The following TECPR2 variants were observed in gnomAD, a reference collection of about 807,000 sequenced individuals.
The protein encoded by TECPR2 is tectonin beta-propeller repeat-containing protein 2.
In TECPR2, 65 loss-of-function variants were observed where a neutral mutation model predicts 138.1. The observed-to-expected ratio is 0.47, with a 90% CI of 0.39 to 0.58. The LOEUF is 0.58. Ranked by LOEUF, TECPR2 falls within the 20% of genes least tolerant of loss-of-function variation. TECPR2 has a pLI of 0.00. For missense variants in TECPR2, 1,553 were observed against 1,824.5 expected, an observed-to-expected ratio of 0.85 and a Z score of 2.71; for synonymous variants, 746 against 749.8, an observed-to-expected ratio of 0.99 and a Z score of 0.08.
At chr14:102,431,340 ATTTTTTTTTT>A (rs35092221) in intron 7 of TECPR2, among the ~76,000 whole-genome samples, 1 of 111,738 alleles carries the variant, frequency 8.9e-6, no homozygotes, top group African/African-American at 3.5e-5. Flanking sequence ...GTTTTGGTGG[ATTTTTTTTTT>A]TTTTTTTTTT....
intron 17 of TECPR2, among the ~76,000 whole-genome samples, chr14:102,488,422 C>T (rs1392569540): frequency 2.6e-5 from 4 of 151,892 alleles, no homozygotes; most frequent in East Asian, 1.9e-4. Flanking sequence ...TCACCGCAAC[C>T]TCTGCCTCCT....
At chr14:102,400,515 T>C (rs555335550) in intron 2 of TECPR2, among the ~76,000 whole-genome samples, 1 of 152,342 alleles carries the variant, frequency 6.6e-6, no homozygotes, top group African/African-American at 2.4e-5. Flanking sequence ...AGTGGAGCTT[T>C]TCTGTGTTAC....
chr14:102,396,762 G>A (rs72698595), intron 2 of TECPR2, among the ~76,000 whole-genome samples: 40,381 of 152,138 alleles, frequency 0.27, 6,148 homozygotes, highest in East Asian at 0.47. Context: ...TGTGGAAGGC[G>A]GCTACGCGGG....
intron 7 of TECPR2, among the ~76,000 whole-genome samples, 185 bp from the exon 8 acceptor site, chr14:102,431,611 G>T (rs1325930091): frequency 6.6e-6 from 1 of 152,108 alleles, no homozygotes; most frequent in African/African-American, 2.4e-5. Context: ...CAAAGTGCTG[G>T]GATTACAGGC....
chr14:102,445,947 A>G lies in TECPR2; in HGVS notation c.3075A>G (p.Gln1025=). 8 of 1,613,734 alleles carry G rather than the reference A, an allele frequency of 5.0e-6. No homozygotes were observed. Among genetic ancestry groups the G allele is most frequent in the Non-Finnish European group, 6.8e-6 (8 of 1,179,838 alleles). Residue 1025 remains glutamine (Q), a splice_region_variant and synonymous_variant, in exon 13 of 20, where the codon CAA becomes CAG. Transcript: ENST00000359520. The stretch of plus-strand genomic sequence containing the variant: ...AAGGAGATGACGACCATTGGTGGCA[A>G]GTAGGTGTTCAGCTCTGCGCCACGT... ...KPQGDDDHWW[Q]VSITDYVVFD...
rs1357421383 is a variant in TECPR2 at position 102,465,280 on chromosome 14, A to T, written c.3780A>T (p.Pro1260=). ...TTCCAGCCTGGATAATGATTGAGCC[A>T]CCTGTCCAGGTAAGCAGAAGTTAGC... ...LMLPAWIMIE[P]PVQPAGVSLV... is the part of the protein sequence containing the mutation. Residue 1260 remains proline, a synonymous_variant, in exon 17 of 20, where the codon CCA becomes CCT. Coordinates refer to ENST00000359520, the MANE Select transcript of TECPR2 (RefSeq NM_014844.5). The T allele has an allele frequency of 3.1e-6, 5 of 1,613,942 alleles. No homozygotes were observed. The South Asian group carries it at 5.5e-5, about 18-fold the overall frequency.
intron 9 of TECPR2, among the ~76,000 whole-genome samples, chr14:102,435,520 G>A (rs1326891780): frequency 1.3e-5 from 2 of 152,216 alleles, no homozygotes; most frequent in African/African-American, 4.8e-5. Flanking sequence ...CCATCGTAGG[G>A]CAGGGCTGAA....
At chr14:102,475,602 G>T (rs751817556) in intron 17 of TECPR2, among the ~76,000 whole-genome samples, 1 of 152,120 alleles carries the variant, frequency 6.6e-6, no homozygotes, top group Non-Finnish European at 1.5e-5. Flanking sequence ...GCAAGACTCC[G>T]AAGAATCAAA....
In TECPR2 at chr14:102,417,032, T is replaced by A. The variant is rs149569634; in HGVS notation, c.638+2239T>A. Among the ~76,000 whole-genome samples the A allele has an allele frequency of 4.6e-5, 7 of 152,190 alleles. No individual in the cohort carries two copies. In the East Asian group the frequency reaches 1.4e-3, roughly 29 times the overall value. ...AAAAAACAAACCTGGCCCTTTAACC[T>A]CTTGTGTGGAGACCCAGGCAGTTTC... On this transcript the variant is annotated intron_variant, in intron 5 of 19. Coordinates refer to ENST00000359520, the MANE Select transcript of TECPR2 (RefSeq NM_014844.5).
intron 8 of TECPR2, among the ~76,000 whole-genome samples, 176 bp downstream of exon 8, chr14:102,432,304 C>T (rs898008429): frequency 2.0e-5 from 3 of 149,878 alleles, no homozygotes; most frequent in African/African-American, 4.8e-5. Context: ...AAAATACACA[C>T]ACACACACAC....
intron 1 of TECPR2, among the ~76,000 whole-genome samples, chr14:102,371,907 A>G (rs1597760429): frequency 6.6e-6 from 1 of 152,188 alleles, no homozygotes; most frequent in Non-Finnish European, 1.5e-5. Flanking sequence ...GTGTGTGCAT[A>G]TATGTTTATA....
chr14:102,439,011 G>A lies in TECPR2; in HGVS notation c.2578+806G>A, dbSNP rs28414741. Among the ~76,000 whole-genome samples, 691 of 151,902 alleles carry A rather than the reference G, an allele frequency of 4.5e-3. 8 individuals are homozygous for A. Among genetic ancestry groups the A allele is most frequent in the African/African-American group, 0.016 (654 of 41,436 alleles). ...CCAGTAGCTGGGACTACAGGCACCC[G>A]CCACCACGCCCAGCTAATTTTTTTG... is the stretch of plus-strand genomic sequence containing the variant. On this transcript the variant is annotated intron_variant, in intron 10 of 19. Coordinates refer to ENST00000359520, the MANE Select transcript of TECPR2 (RefSeq NM_014844.5).
chr14:102,476,121 C>G (rs1179145397), intron 17 of TECPR2, among the ~76,000 whole-genome samples: 2 of 142,690 alleles, frequency 1.4e-5, no homozygotes, highest in African/African-American at 5.3e-5. Context: ...GCAGGAGAAT[C>G]ACTTGAACCT....
chr14:102,465,158 A>G lies in TECPR2; in HGVS notation c.3658A>G (p.Ser1220Gly), dbSNP rs1188634643. ...ATCTACAGGAGCTGTAAAATTGACA[A>G]GCTTGGCATGTGGAAATCAGCACAT... ...LSQLGAVKLT[S>G]LACGNQHIWA... The change falls in exon 17 of 20, where the codon AGC becomes GGC. Residue 1220 changes from serine to glycine, a missense_variant. Ser to Gly is a moderately conservative substitution (Grantham distance 56). Coordinates refer to ENST00000359520, the MANE Select transcript of TECPR2 (RefSeq NM_014844.5). 2.5e-6 allele frequency: 4 copies of G among 1,614,238 alleles called. No homozygotes were observed. The highest frequency in any genetic ancestry group is 1.7e-5 in the Admixed American group (1 of 60,024).
At chr14:102,432,190 T>C in intron 8 of TECPR2, 62 bp downstream of exon 8, 1 of 1,405,458 alleles carries the variant, frequency 7.1e-7, no homozygotes, top group Non-Finnish European at 9.4e-7. Flanking sequence ...TCTCTGGGAG[T>C]GCTGCTGCTC....
At chr14:102,411,350 G>A (rs879660782) in intron 4 of TECPR2, among the ~76,000 whole-genome samples, 862 of 151,666 alleles carry the variant, frequency 5.7e-3, no homozygotes, top group Non-Finnish European at 9.6e-3. Flanking sequence ...GTACGTATAC[G>A]CCCAGATGGC....
chr14:102,418,128 T>C lies in TECPR2; in HGVS notation c.638+3335T>C, dbSNP rs568029780. On this transcript the variant is annotated intron_variant, in intron 5 of 19. Transcript: ENST00000359520. ...CGCAGAAGAGAGTTCTGTGGACCGG[T>C]CTGGAGCCCAGGGAAGAAGTCTTGA... 3.9e-5 allele frequency among the ~76,000 whole-genome samples: 6 copies of C among 152,126 alleles called. No individual in the cohort carries two copies. The East Asian group carries it at 9.7e-4, about 25-fold the overall frequency.
intron 17 of TECPR2, among the ~76,000 whole-genome samples, chr14:102,496,061 C>G (rs535768958): frequency 6.6e-6 from 1 of 152,360 alleles, no homozygotes; most frequent in East Asian, 1.9e-4. Context: ...AAGCAAGGAG[C>G]AGGAGATGTG....
chr14:102,497,991 C>T, intron 19 of TECPR2, 112 bp from the exon 20 acceptor site: 1 of 896,990 alleles, frequency 1.1e-6, no homozygotes, highest in South Asian at 2.2e-5. Flanking sequence ...GTCCAGTGTC[C>T]CCCACCTAGA....
Sources: allele counts gnomAD v4.1 joint callset (sites outside exome capture counted in the v4.1 genomes callset), GRCh38; gene constraint gnomAD v4.1.1; transcripts MANE v1.5; gene names NCBI Gene and HGNC (gene_info 2026-07-23, HGNC 2026-07-21).